TENT5D: variants seen among roughly 807,000 people sequenced by gnomAD.
TENT5D encodes cancer/testis antigen 112.
For synonymous variants in TENT5D, 103 were observed against 100.6 expected, an observed-to-expected ratio of 1.02 and a Z score of -0.15; for missense variants, 191 against 287.0, an observed-to-expected ratio of 0.67 and a Z score of 2.42.
chrX:80,377,707 T>A (rs1037088640), intron 3 of TENT5D, among the ~76,000 whole-genome samples: 1 of 112,170 alleles, frequency 8.9e-6, no homozygotes, highest in African/African-American at 3.2e-5. Context: ...CGTGTGCATG[T>A]GTCTTTATAG....
intron 1 of TENT5D, among the ~76,000 whole-genome samples, chrX:80,427,628 C>G (rs1932010612): frequency 9.0e-6 from 1 of 111,628 alleles, no homozygotes; most frequent in African/African-American, 3.3e-5. Context: ...ACATGTATAA[C>G]TACACAGACA....
At chrX:80,359,574 G>A (rs1016306512) in intron 3 of TENT5D, among the ~76,000 whole-genome samples, 6 of 110,962 alleles carry the variant, frequency 5.4e-5, no homozygotes, top group African/African-American at 2.0e-4. Context: ...CTCATAAGTG[G>A]GAGTTGTACA....
chrX:80,417,616 A>G (rs1481547771), upstream of TENT5D, among the ~76,000 whole-genome samples: 1 of 111,115 alleles, frequency 9.0e-6, no homozygotes, highest in African/African-American at 3.3e-5. Context: ...CTTTTATTTA[A>G]GTATGCCGAA....
At chrX:80,416,302 C>T (rs189547655), upstream of TENT5D, among the ~76,000 whole-genome samples, 41 of 73,769 alleles carry the variant, frequency 5.6e-4, no homozygotes, top group African/African-American at 1.9e-3. Context: ...TCCTTCAGTT[C>T]GGCTGTGATT....
chrX:80,373,633 A>G (rs944388555), intron 3 of TENT5D, among the ~76,000 whole-genome samples: 1 of 111,179 alleles, frequency 9.0e-6, no homozygotes, highest in East Asian at 2.8e-4. Flanking sequence ...AAAGCTATAT[A>G]TCTATTCCTC....
In TENT5D at chrX:80,392,557, C is replaced by T. The variant is rs762392656; in HGVS notation, c.-141-46053C>T. 9.8e-4 allele frequency among the ~76,000 whole-genome samples: 77 copies of T among 78,779 alleles called. 1 individual carries two copies. Among genetic ancestry groups the T allele is most frequent in the Non-Finnish European group, 1.4e-3 (61 of 44,183 alleles). 68.4% of individuals were successfully genotyped at this position (78,779 alleles called of 115,157 possible). On this transcript the variant is annotated intron_variant, in intron 3 of 4. Coordinates refer to the TENT5D transcript ENST00000538312. ...CGGAGTCTCGCTCTGTCGCCCAGGCCGGACTGCGGACTGCAGTGGCGCAAT... is the reference window on the plus strand; with the variant it reads ...CGGAGTCTCGCTCTGTCGCCCAGGCTGGACTGCGGACTGCAGTGGCGCAAT...
At chrX:80,397,882 C>T (rs1013752042) in intron 3 of TENT5D, among the ~76,000 whole-genome samples, 2 of 111,615 alleles carry the variant, frequency 1.8e-5, no homozygotes, top group Non-Finnish European at 3.8e-5. Flanking sequence ...GGCAGCAGTA[C>T]AGTCCAGCTT....
At position 80,366,203 on chromosome X, in the gene TENT5D, CAG is replaced by C. The variant is rs1384543240; in HGVS notation, c.-142+23640_-142+23641del. On this transcript the variant is annotated intron_variant, in intron 3 of 4. Coordinates refer to the TENT5D transcript ENST00000538312. ...GTTTGAGAGAGAGAAAGAGAGAAGA[CAG>C]GGAGTGTGTGTGTGTGTGTGTGTGT... Among the ~76,000 whole-genome samples, 49 of 49,076 alleles carry C rather than the reference CAG, an allele frequency of 1.0e-3. 1 individual carries two copies. The highest frequency in any genetic ancestry group is 0.018 in the Middle Eastern group (2 of 112). 42.6% of individuals were successfully genotyped at this position (49,076 alleles called of 115,157 possible).
chrX:80,376,890 A>G (rs59350646), intron 3 of TENT5D, among the ~76,000 whole-genome samples: 10,704 of 111,128 alleles, frequency 0.096, 522 homozygotes, highest in African/African-American at 0.18. Context: ...ATCATGATAC[A>G]TAGTTAATTA....
At chrX:80,391,401 A>G (rs1931124667) in intron 3 of TENT5D, among the ~76,000 whole-genome samples, 1 of 112,274 alleles carries the variant, frequency 8.9e-6, no homozygotes, top group South Asian at 3.6e-4. Flanking sequence ...TACATTATAT[A>G]CTTTAAACTA....
chrX:80,356,048 G>A (rs1023356345), intron 3 of TENT5D, among the ~76,000 whole-genome samples: 1 of 112,185 alleles, frequency 8.9e-6, no homozygotes, highest in Non-Finnish European at 1.9e-5. Context: ...ATCTAGGAAG[G>A]CAGTCCCACT....
intron 3 of TENT5D, among the ~76,000 whole-genome samples, chrX:80,363,046 T>C (rs1315771489): frequency 2.7e-5 from 3 of 111,849 alleles, no homozygotes; most frequent in African/African-American, 9.7e-5. Flanking sequence ...TCTAAGCTGT[T>C]ACTAGTTTAA....
intron 3 of TENT5D, among the ~76,000 whole-genome samples, chrX:80,390,161 C>A (rs985230310): frequency 2.7e-5 from 3 of 111,345 alleles, no homozygotes; most frequent in African/African-American, 9.8e-5. Context: ...TGTAGAAATT[C>A]CCTTCTGACT....
chrX:80,355,079 C>T (rs1930257761), intron 3 of TENT5D, among the ~76,000 whole-genome samples: 1 of 111,804 alleles, frequency 8.9e-6, no homozygotes, highest in Admixed American at 9.5e-5. Context: ...GCACCTGCTA[C>T]ACTAGAGTGG....
chrX:80,443,460 T>C, exon 3 of TENT5D: 4 of 1,211,422 alleles, frequency 3.3e-6, no homozygotes, highest in Non-Finnish European at 4.5e-6. Context: ...GAGTTGTGAA[T>C]GAAAGCACTG....
chrX:80,376,088 A>G (rs1426601970), intron 3 of TENT5D, among the ~76,000 whole-genome samples: 1 of 110,200 alleles, frequency 9.1e-6, no homozygotes, highest in Non-Finnish European at 1.9e-5. Context: ...TTCTTTGAGG[A>G]GTATATGATA....
chrX:80,402,438 C>T (rs1398018457), intron 3 of TENT5D, among the ~76,000 whole-genome samples: 1 of 111,620 alleles, frequency 9.0e-6, no homozygotes, highest in Non-Finnish European at 1.9e-5. Context: ...CTTCTGCTAA[C>T]ATTGGACTTA....
At chrX:80,378,502 T>C (rs1930780569) in intron 3 of TENT5D, among the ~76,000 whole-genome samples, 1 of 111,594 alleles carries the variant, frequency 9.0e-6, no homozygotes, top group Non-Finnish European at 1.9e-5. Flanking sequence ...TTTCCCCATT[T>C]CTTATTTTTG....
At chrX:80,416,142 G>T (rs1474289562), upstream of TENT5D, among the ~76,000 whole-genome samples, 2 of 108,473 alleles carry the variant, frequency 1.8e-5, no homozygotes, top group Non-Finnish European at 3.8e-5. Context: ...TAATGTCCCT[G>T]TAGTCATTTC....
Sources: gnomAD v4.1 joint callset for allele counts (sites outside exome capture counted in the v4.1 genomes callset) on GRCh38, gnomAD v4.1.1 for gene constraint, MANE v1.5 for transcripts, NCBI Gene and HGNC (gene_info 2026-07-23, HGNC 2026-07-21) for gene names.